Variants in SLC7A2 observed in about 807,000 individuals in gnomAD.
SLC7A2 encodes solute carrier family 7 member 2.
Under a neutral mutation model 58.9 loss-of-function variants are expected in SLC7A2, and 48 were observed. The observed-to-expected ratio is 0.82, with a 90% CI of 0.65 to 1.04. The LOEUF (loss-of-function observed/expected upper bound fraction) is 1.04. Among genes scored for constraint, SLC7A2 ranks in the 50% least tolerant of loss-of-function variants. The pLI is 0.00. For missense variants in SLC7A2, 1,029 were observed against 818.8 expected, an observed-to-expected ratio of 1.26 and a Z score of -3.13; for synonymous variants, 363 against 314.5, an observed-to-expected ratio of 1.15 and a Z score of -1.63.
chr8:17,553,086 G>T (rs755216415), intron 7 of SLC7A2, among the ~76,000 whole-genome samples: 44 of 152,126 alleles, frequency 2.9e-4, no homozygotes, highest in Non-Finnish European at 5.9e-4. Context: ...ACAGGGTCTT[G>T]CTCTGTCAAG....
intron 2 of SLC7A2, among the ~76,000 whole-genome samples, chr8:17,503,355 C>T (rs1041581443): frequency 2.0e-5 from 3 of 152,220 alleles, no homozygotes; most frequent in Non-Finnish European, 4.4e-5. Flanking sequence ...CGGCTGAAAA[C>T]ATCTTTATTG....
intron 2 of SLC7A2, among the ~76,000 whole-genome samples, chr8:17,519,768 T>G (rs13270649): frequency 0.037 from 5,698 of 152,300 alleles, 138 homozygotes; most frequent in East Asian, 0.11. Context: ...GGCTTCTGAA[T>G]AAAGGTGGCC....
intron 2 of SLC7A2, among the ~76,000 whole-genome samples, chr8:17,522,073 C>T (rs895120560): frequency 6.6e-6 from 1 of 152,104 alleles, no homozygotes; most frequent in Non-Finnish European, 1.5e-5. Flanking sequence ...TTTGTTTTCA[C>T]GCTGCTGATA....
chr8:17,543,645 C>T lies in SLC7A2; in HGVS notation c.306C>T (p.Tyr102=), dbSNP rs1460857582. 4 of 1,565,654 alleles carry T rather than the reference C, an allele frequency of 2.6e-6. No homozygotes were observed. Among genetic ancestry groups the T allele is most frequent in the Non-Finnish European group, 3.5e-6 (4 of 1,157,624 alleles). The change falls in exon 3 of 13, where the codon TAC becomes TAT. Residue 102 remains tyrosine (Y), a synonymous_variant. Transcript: ENST00000494857. ...RVPKTGSAYL[Y]TYVTVGELWA... Reference sequence around the variant, plus strand: ...CCAAGACGGGGTCTGCATATTTGTACACCTACGTGACTGTCGGAGAGCTGT... The same window carrying T: ...CCAAGACGGGGTCTGCATATTTGTATACCTACGTGACTGTCGGAGAGCTGT...
intron 2 of SLC7A2, among the ~76,000 whole-genome samples, chr8:17,502,697 T>C (rs1440986422): frequency 1.3e-5 from 2 of 152,148 alleles, no homozygotes; most frequent in Non-Finnish European, 2.9e-5. Flanking sequence ...CAGTTTTTAG[T>C]CTACTCAGGC....
intron 5 of SLC7A2, among the ~76,000 whole-genome samples, chr8:17,549,855 G>A (rs74779334): frequency 0.04 from 6,019 of 152,144 alleles, 220 homozygotes; most frequent in East Asian, 0.091. Context: ...GTTTTGTTTC[G>A]TGTTTTTAAA....
chr8:17,514,728 A>G (rs1192722534), intron 2 of SLC7A2, among the ~76,000 whole-genome samples: 1 of 152,214 alleles, frequency 6.6e-6, no homozygotes, highest in African/African-American at 2.4e-5. Context: ...TGTTCAATAA[A>G]GGCCTCATTC....
In SLC7A2 at chr8:17,563,679, C is replaced by T. The variant is rs140440674; in HGVS notation, c.1748C>T (p.Thr583Ile). 6.2e-7 allele frequency: 1 copy of T among 1,611,964 alleles called. No individual in the cohort carries two copies. Residue 583 changes from threonine (T) to isoleucine (I), a missense_variant, in exon 12 of 13, where the codon ACT (threonine) becomes ATT (isoleucine). Transcript: ENST00000494857. ...TTGATGGTCCAGTTAAGTGCAGACA[C>T]TTGGGTCAGATTCAGCATTTGGATG... is the stretch of plus-strand genomic sequence containing the variant. ...IYLMVQLSAD[T>I]WVRFSIWMAI...
rs1391277549 is a variant in SLC7A2, at chr8:17,563,688, G to C, written c.1757G>C (p.Arg586Thr). 1 of 1,610,032 alleles carries C rather than the reference G, an allele frequency of 6.2e-7. No individual in the cohort carries two copies. Among genetic ancestry groups the C allele is most frequent in the South Asian group, 1.1e-5 (1 of 90,882 alleles). The change falls in exon 12 of 13, where the codon AGA (arginine) becomes ACA (threonine). Residue 586 changes from arginine to threonine, a missense_variant. By Grantham distance (71) the Arg-to-Thr change is moderately conservative. Coordinates refer to ENST00000494857, the MANE Select transcript of SLC7A2 (RefSeq NM_001370338.1). ...MVQLSADTWVRFSIWMAIGFL... is the reference protein window; with the variant it reads ...MVQLSADTWVTFSIWMAIGFL... ...CAGTTAAGTGCAGACACTTGGGTCAGATTCAGCATTTGGATGGCAATTGGT... is the reference window on the plus strand; with the variant it reads ...CAGTTAAGTGCAGACACTTGGGTCACATTCAGCATTTGGATGGCAATTGGT...
chr8:17,563,211 G>C (rs1461398120), intron 11 of SLC7A2, among the ~76,000 whole-genome samples: 1 of 152,134 alleles, frequency 6.6e-6, no homozygotes, highest in Non-Finnish European at 1.5e-5. Context: ...AAACTATCCT[G>C]TCCCATTTGA....
At chr8:17,534,956 G>A (rs202153399) in intron 2 of SLC7A2, among the ~76,000 whole-genome samples, 2 of 152,028 alleles carry the variant, frequency 1.3e-5, no homozygotes, top group Non-Finnish European at 2.9e-5. Context: ...TTACCCCACC[G>A]CCCTTCCCCT....
chr8:17,494,448 G>A (rs1475838808), upstream of SLC7A2, among the ~76,000 whole-genome samples: 1 of 152,098 alleles, frequency 6.6e-6, no homozygotes, highest in Admixed American at 6.6e-5. Context: ...GAAACTTGAC[G>A]GCTGAAAGTG....
At position 17,551,819 on chromosome 8, in the gene SLC7A2, G is replaced by A. The variant is rs981784491; in HGVS notation, c.888G>A (p.Leu296=). 1 of 1,613,922 alleles carries A rather than the reference G, an allele frequency of 6.2e-7. No homozygotes were observed. The highest frequency in any genetic ancestry group is 8.5e-7 in the Non-Finnish European group (1 of 1,179,988). The change falls in exon 7 of 13, where the codon TTG becomes TTA. Residue 296 remains leucine (L), a synonymous_variant. Coordinates refer to ENST00000494857, the MANE Select transcript of SLC7A2 (RefSeq NM_001370338.1). The part of the protein sequence containing the change: ...KAIPIGIVTS[L]LVCFMAYFGV... ...TTCCCATTGGAATTGTGACGTCTTT[G>A]CTTGTTTGCTTTATGGCCTATTTTG...
chr8:17,552,063 C>T lies in SLC7A2; in HGVS notation c.1055+77C>T, dbSNP rs1802481306. The T allele has an allele frequency of 2.6e-6, 3 of 1,173,190 alleles. No individual in the cohort carries two copies. The South Asian group carries it at 3.9e-5, about 15-fold the overall frequency. The allele number at this position is 1,173,190 out of a possible 1,614,324, so 72.7% of individuals were successfully genotyped here. ...TCAGTGTCTAAAAATTTGCTTTTGTCTGTTTAAAAAGTATCCTAATAGAAA... is the reference window on the plus strand; with the variant it reads ...TCAGTGTCTAAAAATTTGCTTTTGTTTGTTTAAAAAGTATCCTAATAGAAA... On this transcript the variant is annotated intron_variant, in intron 7 of 12. Transcript: ENST00000494857.
At chr8:17,556,888 T>C (rs1802731169) in intron 8 of SLC7A2, among the ~76,000 whole-genome samples, 1 of 152,100 alleles carries the variant, frequency 6.6e-6, no homozygotes, top group Non-Finnish European at 1.5e-5. Flanking sequence ...GGATTACAGG[T>C]GTGAACCTCT....
chr8:17,543,569 T>G lies in SLC7A2; in HGVS notation c.230T>G (p.Leu77Arg), dbSNP rs759864987. 1 of 1,611,326 alleles carries G rather than the reference T, an allele frequency of 6.2e-7. No individual in the cohort carries two copies. The highest frequency in any genetic ancestry group is 8.5e-7 in the Non-Finnish European group (1 of 1,178,684). ...GTGGTGTCCTTCCTCATTGCTGCCC[T>G]GGCTTCAGTGATGGCTGGCCTCTGC... The part of the protein sequence containing the change: ...SIVVSFLIAA[L>R]ASVMAGLCYA... The change falls in exon 3 of 13, where the codon CTG becomes CGG. Residue 77 changes from leucine to arginine, a missense_variant. Coordinates refer to ENST00000494857, the MANE Select transcript of SLC7A2 (RefSeq NM_001370338.1).
intron 2 of SLC7A2, among the ~76,000 whole-genome samples, chr8:17,536,418 A>G (rs1801668592): frequency 6.6e-6 from 1 of 152,118 alleles, no homozygotes; most frequent in Non-Finnish European, 1.5e-5. Context: ...TACAAAAAAG[A>G]AAATAGCTGG....
chr8:17,536,380 C>T (rs1047019972), intron 2 of SLC7A2, among the ~76,000 whole-genome samples: 10 of 152,154 alleles, frequency 6.6e-5, no homozygotes, highest in Non-Finnish European at 1.5e-4. Flanking sequence ...GCCTGGCCAA[C>T]ATGGGGAAAA....
At chr8:17,533,230 T>TAACGA (rs2150716786) in intron 2 of SLC7A2, among the ~76,000 whole-genome samples, 1 of 152,338 alleles carries the variant, frequency 6.6e-6, no homozygotes, top group Non-Finnish European at 1.5e-5. Context: ...ATCAAGAAGC[T>TAACGA]AACGATAAAA....
Sources: gnomAD v4.1 joint callset for allele counts (sites outside exome capture counted in the v4.1 genomes callset) on GRCh38, gnomAD v4.1.1 for gene constraint, MANE v1.5 for transcripts, NCBI Gene and HGNC (gene_info 2026-07-23, HGNC 2026-07-21) for gene names.